DISC1: variants seen among roughly 807,000 people sequenced by gnomAD.
The protein encoded by DISC1 is DISC1 scaffold protein, also known as disrupted in schizophrenia 1 protein.
Under a neutral mutation model 84.5 loss-of-function variants are expected in DISC1, and 57 were observed. The ratio of observed to expected loss-of-function variants is 0.67; its 90% CI spans 0.55 to 0.84. The LOEUF (loss-of-function observed/expected upper bound fraction) is 0.84, where lower values mean the gene tolerates loss of function less well. DISC1 is among the 40% of genes least tolerant of loss of function. The pLI is 0.00. For missense variants in DISC1, 1,000 were observed against 1,057.8 expected (o/e 0.95, Z 0.76); for synonymous variants, 411 against 415.2 (o/e 0.99, Z 0.12).
intron 1 of DISC1, chr1:231,629,482 A>T (rs2058532873): frequency 6.5e-6 from 1 of 152,808 alleles, no homozygotes; most frequent in Non-Finnish European, 1.5e-5. Context: ...TTCCTAGTTT[A>T]TTTGTTTCCT....
intron 1 of DISC1, among the ~76,000 whole-genome samples, chr1:231,674,551 T>C (rs2062953895): frequency 1.3e-5 from 2 of 152,224 alleles, no homozygotes; most frequent in Admixed American, 6.5e-5. Flanking sequence ...AAATAACTGA[T>C]TTTCTTTTTG....
intron 3 of DISC1, among the ~76,000 whole-genome samples, chr1:231,739,024 A>G (rs928431402): frequency 4.6e-5 from 7 of 152,260 alleles, no homozygotes; most frequent in Non-Finnish European, 7.4e-5. Flanking sequence ...GGTTCCTTGT[A>G]TGGATGGATG....
chr1:231,886,772 T>TTCCG (rs1451426842), intron 9 of DISC1, among the ~76,000 whole-genome samples: 4 of 52,700 alleles, frequency 7.6e-5, no homozygotes, highest in African/African-American at 2.8e-4. Flanking sequence ...CCTTCCTTTC[T>TTCCG]TTCTTTCTTT....
In DISC1 at chr1:232,029,422, G is replaced by A. The variant is rs1210479766; in HGVS notation, c.2425+2870G>A. Among the ~76,000 whole-genome samples, 3 of 152,344 alleles carry A rather than the reference G, an allele frequency of 2.0e-5. No individual in the cohort carries two copies. In the East Asian group the frequency reaches 5.8e-4, roughly 29 times the overall value. ...CTCCCCTACACAAACCAAAGCCGTTGTTTCAAATTAGAGCTTATCTAGAGA... is the reference window on the plus strand; with the variant it reads ...CTCCCCTACACAAACCAAAGCCGTTATTTCAAATTAGAGCTTATCTAGAGA... On this transcript the variant is annotated intron_variant, in intron 12 of 12. Coordinates refer to ENST00000439617, the MANE Select transcript of DISC1 (RefSeq NM_018662.3).
At chr1:231,917,247 C>T (rs1046615288) in intron 9 of DISC1, among the ~76,000 whole-genome samples, 12 of 152,156 alleles carry the variant, frequency 7.9e-5, no homozygotes, top group African/African-American at 2.2e-4. Context: ...CTTTTCCCTG[C>T]GGCATTACTA....
chr1:231,648,299 G>T (rs967013514), intron 1 of DISC1, among the ~76,000 whole-genome samples: 1 of 152,178 alleles, frequency 6.6e-6, no homozygotes, highest in Admixed American at 6.5e-5. Flanking sequence ...GGCCTTTTCT[G>T]CATCTGTTGA....
chr1:231,931,752 G>C (rs1224138250), intron 9 of DISC1, among the ~76,000 whole-genome samples: 1 of 151,426 alleles, frequency 6.6e-6, no homozygotes, highest in East Asian at 2.0e-4. Context: ...TGACTCAAGT[G>C]GTCCTCCTGC....
At chr1:231,885,577 C>G (rs1383858066) in intron 9 of DISC1, among the ~76,000 whole-genome samples, 1 of 152,196 alleles carries the variant, frequency 6.6e-6, no homozygotes, top group Non-Finnish European at 1.5e-5. Context: ...ATCCAGGCTC[C>G]CCTCTTTCAA....
At position 232,008,957 on chromosome 1, in the gene DISC1, G is replaced by A. The variant is rs367543096; in HGVS notation, c.2215G>A (p.Glu739Lys). 11 of 1,613,670 alleles carry A rather than the reference G, an allele frequency of 6.8e-6. No individual in the cohort carries two copies. Among genetic ancestry groups the A allele is most frequent in the Middle Eastern group, 1.6e-4 (1 of 6,082 alleles). The change falls in exon 11 of 13, where the codon GAG becomes AAG. Residue 739 changes from glutamate (E) to lysine (K), a missense_variant. Transcript: ENST00000439617. ...TCCTATTCCCCCCAGGCTCCACTCC[G>A]AGGATAAAAGGAAGACCCCTTTGAA... ...APPIPPRLHS[E>K]DKRKTPLKVL... is the part of the protein sequence containing the mutation.
chr1:232,012,366 A>G (rs554018048), intron 11 of DISC1, among the ~76,000 whole-genome samples: 2 of 152,342 alleles, frequency 1.3e-5, no homozygotes, highest in Admixed American at 1.3e-4. Flanking sequence ...ATTCGGGTCC[A>G]GGATTTTAGA....
chr1:231,976,825 A>C (rs1375326908), intron 10 of DISC1, among the ~76,000 whole-genome samples: 2 of 152,224 alleles, frequency 1.3e-5, no homozygotes, highest in Non-Finnish European at 2.9e-5. Context: ...ACATTTTTCA[A>C]ATGTTTGTTG....
chr1:231,707,309 CA>C (rs1163937956), intron 3 of DISC1, among the ~76,000 whole-genome samples: 8 of 152,182 alleles, frequency 5.3e-5, no homozygotes, highest in Non-Finnish European at 4.4e-5. Context: ...ACATGACCAC[CA>C]GTGCAATTTC....
intron 7 of DISC1, among the ~76,000 whole-genome samples, chr1:231,799,835 TC>T: frequency 9.8e-6 from 1 of 102,244 alleles, no homozygotes; most frequent in Non-Finnish European, 2.0e-5. Context: ...CCTCCCTCTT[TC>T]CCTTCTCTTT....
intron 9 of DISC1, among the ~76,000 whole-genome samples, chr1:231,953,877 G>A (rs1213122741): frequency 6.6e-6 from 1 of 152,140 alleles, no homozygotes; most frequent in East Asian, 1.9e-4. Context: ...GGGTGGTGGG[G>A]CTGGAGTTTC....
rs375753657 is a variant in DISC1 at position 231,982,821 on chromosome 1, A to G, written c.2042+23933A>G. On this transcript the variant is annotated intron_variant, in intron 10 of 12. Transcript: ENST00000439617. ...GAAAGCTGAGGGCATGGGAGGGTAC[A>G]TCGTAAGAGCAAGGAGGTGAGGCCA... Among the ~76,000 whole-genome samples the G allele has an allele frequency of 1.2e-4, 19 of 152,276 alleles. No individual in the cohort carries two copies. The South Asian group carries it at 2.5e-3, about 20-fold the overall frequency.
Position 232,009,726 on chromosome 1 carries a change from C to A in DISC1, c.2307+677C>A. 1 of 547,834 alleles carries A rather than the reference C, an allele frequency of 1.8e-6. No individual in the cohort carries two copies. The highest frequency in any genetic ancestry group is 2.3e-6 in the Non-Finnish European group (1 of 430,646). 33.9% of individuals were successfully genotyped at this position (547,834 alleles called of 1,614,324 possible). A position where few individuals can be genotyped will look rare whatever the true frequency, so the allele number is the denominator to read the frequency against. On this transcript the variant is annotated intron_variant, in intron 11 of 12. Transcript: ENST00000439617. The surrounding 1 kb of genome is among the most constrained non-coding windows in gnomAD (Gnocchi z 4.6). The stretch of plus-strand genomic sequence containing the variant: ...CCTCACTTTCCTCCTCCCACCCTAA[C>A]AAGAGTCTTTTCCATAAAAAGGCCC...
At chr1:231,704,897 A>G (rs941389588) in intron 3 of DISC1, among the ~76,000 whole-genome samples, 10 of 152,078 alleles carry the variant, frequency 6.6e-5, no homozygotes, top group African/African-American at 2.4e-4. Context: ...TAATAATGGC[A>G]TATAAGAAAT....
At chr1:231,859,141 TC>T (rs1480096704) in intron 9 of DISC1, among the ~76,000 whole-genome samples, 2 of 152,040 alleles carry the variant, frequency 1.3e-5, no homozygotes, top group Non-Finnish European at 2.9e-5. Flanking sequence ...TCCTGTATAA[TC>T]CCCCCACCAA....
intron 6 of DISC1, among the ~76,000 whole-genome samples, chr1:231,788,737 A>G (rs2078081200): frequency 6.6e-6 from 1 of 152,170 alleles, no homozygotes; most frequent in South Asian, 2.1e-4. Context: ...CTGTCATGCA[A>G]AGCTTCACCC....
Sources: gnomAD v4.1 joint callset for allele counts (sites outside exome capture counted in the v4.1 genomes callset) on GRCh38, gnomAD v4.1.1 for gene constraint, Gnocchi (gnomAD v3.1) non-coding constraint, MANE v1.5 for transcripts, NCBI Gene and HGNC (gene_info 2026-07-23, HGNC 2026-07-21) for gene names.